ANKS1B: variants seen among roughly 807,000 people sequenced by gnomAD.
ANKS1B encodes ankyrin repeat and sterile alpha motif domain containing 1B, also known as ankyrin repeat and sterile alpha motif domain-containing protein 1B.
ANKS1B carries 36 observed loss-of-function variants against 148.3 expected under a neutral mutation model. That is an observed-to-expected ratio of 0.24 (90% CI 0.19 to 0.32). The LOEUF (loss-of-function observed/expected upper bound fraction) is 0.32. Among genes scored for constraint, ANKS1B ranks in the 10% least tolerant of loss-of-function variants. The pLI, the probability that ANKS1B is intolerant of heterozygous loss-of-function variation, is 1.00. For synonymous variants in ANKS1B, 542 were observed against 560.8 expected (o/e 0.97, Z 0.47); for missense variants, 1,157 against 1,542.6 (o/e 0.75, Z 4.19).
At chr12:99,134,645 T>TCTCTCTCA (rs1380319841) in intron 15 of ANKS1B, among the ~76,000 whole-genome samples, 25 of 105,108 alleles carry the variant, frequency 2.4e-4, no homozygotes, top group African/African-American at 5.4e-4. Flanking sequence ...TCTCTCTCTC[T>TCTCTCTCA]CACACACACA....
intron 10 of ANKS1B, among the ~76,000 whole-genome samples, chr12:99,453,693 G>T (rs1042074787): frequency 6.6e-6 from 1 of 152,054 alleles, no homozygotes; most frequent in African/African-American, 2.4e-5. Flanking sequence ...TGTTATTTTC[G>T]GCCACAAATA....
chr12:99,903,238 A>G (rs1450279539), intron 1 of ANKS1B, among the ~76,000 whole-genome samples: 1 of 152,216 alleles, frequency 6.6e-6, no homozygotes, highest in Admixed American at 6.5e-5. Flanking sequence ...TGACCCAGCT[A>G]GGGCATTGGA....
intron 16 of ANKS1B, among the ~76,000 whole-genome samples, chr12:99,079,050 G>A (rs977974258): frequency 1.1e-4 from 17 of 152,124 alleles, no homozygotes; most frequent in Non-Finnish European, 1.2e-4. Context: ...GCCTCAGTCC[G>A]AAAATCCCTA....
At chr12:98,934,815 A>G (rs1367130414) in intron 17 of ANKS1B, among the ~76,000 whole-genome samples, 1 of 151,764 alleles carries the variant, frequency 6.6e-6, no homozygotes, top group Non-Finnish European at 1.5e-5. Context: ...TTGATTTGGT[A>G]TATATCAATA....
In ANKS1B at chr12:99,189,292, G is replaced by T. The variant is rs190006867; in HGVS notation, c.2420-34897C>A. Among the ~76,000 whole-genome samples the T allele has an allele frequency of 6.9e-3, 1,050 of 152,152 alleles. 23 individuals are homozygous for T. The highest frequency in any genetic ancestry group is 0.013 in the Admixed American group (194 of 15,264). On this transcript the variant is annotated intron_variant, in intron 14 of 26. Transcript: ENST00000683438. ...AAGAGGAGCTGGTACCATTCCTTCT[G>T]AAACTATTCCAAACAATAGAAAAAG...
At chr12:99,529,635 C>G (rs753691621) in intron 9 of ANKS1B, among the ~76,000 whole-genome samples, 1 of 147,974 alleles carries the variant, frequency 6.8e-6, no homozygotes, top group Admixed American at 6.6e-5. Flanking sequence ...CCTGGTGACA[C>G]AGCAAGACTC....
chr12:99,045,623 C>T (rs1432866270), intron 17 of ANKS1B, among the ~76,000 whole-genome samples: 1 of 152,206 alleles, frequency 6.6e-6, no homozygotes, highest in Admixed American at 6.5e-5. Context: ...GTAGCATGAA[C>T]TCTTGCTTCT....
At chr12:99,872,310 G>A (rs2091613777) in intron 1 of ANKS1B, among the ~76,000 whole-genome samples, 1 of 152,090 alleles carries the variant, frequency 6.6e-6, no homozygotes, top group Non-Finnish European at 1.5e-5. Flanking sequence ...TACTGGTAAT[G>A]TTCTGTTTCT....
chr12:99,280,756 G>T (rs1252727227), intron 12 of ANKS1B, among the ~76,000 whole-genome samples: 2 of 152,078 alleles, frequency 1.3e-5, no homozygotes, highest in African/African-American at 4.8e-5. Context: ...GGCAACATCA[G>T]CTCTCCTGGG....
chr12:98,744,005 C>CT lies in ANKS1B; in HGVS notation c.*1733dup, dbSNP rs1160593996. The stretch of plus-strand genomic sequence containing the variant: ...ACAACTTCTGTTTTATTTTTGTGTG[C>CT]TTTTTTTATAGGATATAAATAATGA... On this transcript the variant is annotated 3_prime_UTR_variant, in exon 27 of 27. Transcript: ENST00000683438. 84 of 983,748 alleles carry CT rather than the reference C, an allele frequency of 8.5e-5. No individual in the cohort carries two copies. Among genetic ancestry groups the CT allele is most frequent in the Middle Eastern group, 1.0e-3 (2 of 1,912 alleles). 60.9% of individuals were successfully genotyped at this position (983,748 alleles called of 1,614,324 possible). A position where few individuals can be genotyped will look rare whatever the true frequency, so the allele number is the denominator to read the frequency against.
chr12:99,929,998 C>T (rs1340380407), intron 1 of ANKS1B, among the ~76,000 whole-genome samples: 5 of 152,128 alleles, frequency 3.3e-5, no homozygotes, highest in South Asian at 2.1e-4. Flanking sequence ...TTTGGTTCCA[C>T]ATGAACTTTA....
intron 12 of ANKS1B, among the ~76,000 whole-genome samples, chr12:99,373,530 G>A (rs551478462): frequency 5.3e-5 from 8 of 152,134 alleles, no homozygotes; most frequent in Admixed American, 1.3e-4. Context: ...GACACTTCAT[G>A]GGATATGAAT....
rs571002490 is a variant in ANKS1B, at chr12:99,396,224, A to ACT, written c.1756+3406_1756+3407insAG. Among the ~76,000 whole-genome samples, 177 of 152,302 alleles carry ACT rather than the reference A, an allele frequency of 1.2e-3. 1 individual carries two copies. The highest frequency in any genetic ancestry group is 6.8e-3 in the Middle Eastern group (2 of 292). ...TCAGAGGAGCAAATTAAATGTCAGA[A>ACT]AAGTTAAAGGTTTTGATGGAAAATA... is the stretch of plus-strand genomic sequence containing the variant. On this transcript the variant is annotated intron_variant, in intron 12 of 26. Transcript: ENST00000683438.
intron 4 of ANKS1B, among the ~76,000 whole-genome samples, chr12:99,798,655 AT>A (rs2066561530): frequency 6.6e-6 from 1 of 152,022 alleles, no homozygotes; most frequent in African/African-American, 2.4e-5. Context: ...CGTGTGAAGA[AT>A]AAAGGTTATA....
chr12:99,511,519 A>T (rs1466303023), intron 9 of ANKS1B, among the ~76,000 whole-genome samples: 1 of 152,062 alleles, frequency 6.6e-6, no homozygotes, highest in Non-Finnish European at 1.5e-5. Context: ...TGCTATTCCC[A>T]TTAAACTACC....
intron 9 of ANKS1B, among the ~76,000 whole-genome samples, chr12:99,568,001 A>G (rs1485978906): frequency 6.6e-6 from 1 of 152,204 alleles, no homozygotes; most frequent in Non-Finnish European, 1.5e-5. Flanking sequence ...ATTATTTCAC[A>G]TTGACCAAAA....
intron 17 of ANKS1B, among the ~76,000 whole-genome samples, chr12:98,864,918 C>T: frequency 6.6e-6 from 1 of 152,216 alleles, no homozygotes; most frequent in East Asian, 1.9e-4. Flanking sequence ...ATCCCTCCTT[C>T]CTTAGGCAGG....
At chr12:98,866,202 G>C (rs2099623843) in intron 17 of ANKS1B, among the ~76,000 whole-genome samples, 1 of 152,152 alleles carries the variant, frequency 6.6e-6, no homozygotes, top group South Asian at 2.1e-4. Flanking sequence ...CCTAAAGCAA[G>C]AGTGTCCCTG....
intron 14 of ANKS1B, among the ~76,000 whole-genome samples, chr12:99,179,816 A>G (rs2078904690): frequency 6.6e-6 from 1 of 152,240 alleles, no homozygotes; most frequent in African/African-American, 2.4e-5. Context: ...TAAATCCTCA[A>G]TAATGCTAAC....
Sources: gnomAD v4.1 joint callset for allele counts (sites outside exome capture counted in the v4.1 genomes callset) on GRCh38, gnomAD v4.1.1 for gene constraint, MANE v1.5 for transcripts, NCBI Gene and HGNC (gene_info 2026-07-23, HGNC 2026-07-21) for gene names.